The following NALF1 variants were observed in gnomAD, a reference collection of about 807,000 sequenced individuals.
NALF1 encodes the protein NALCN channel auxiliary factor 1, also known as family with sequence similarity 155 member A.
A neutral mutation model predicts 48.4 loss-of-function variants in NALF1; 3 were observed. That is an observed-to-expected ratio of 0.06 (90% CI 0.03 to 0.16). The LOEUF (loss-of-function observed/expected upper bound fraction) is 0.16, where lower values mean the gene tolerates loss of function less well. NALF1 is among the 10% of genes least tolerant of loss of function. The pLI, the probability that NALF1 is intolerant of heterozygous loss-of-function variation, is 1.00. For synonymous variants in NALF1, 262 were observed against 245.7 expected (o/e 1.07, Z -0.62); for missense variants, 526 against 571.5 (o/e 0.92, Z 0.81).
chr13:107,782,458 C>A (rs1171897363), intron 1 of NALF1, among the ~76,000 whole-genome samples: 1 of 152,138 alleles, frequency 6.6e-6, no homozygotes, highest in Non-Finnish European at 1.5e-5. Flanking sequence ...AGAGTGCAGC[C>A]TCTGCCCGGC....
intron 1 of NALF1, among the ~76,000 whole-genome samples, chr13:107,486,418 C>T (rs1415070453): frequency 6.6e-6 from 1 of 152,166 alleles, no homozygotes; most frequent in Non-Finnish European, 1.5e-5. Context: ...ACAGGGAAAG[C>T]AAGATCTGAA....
intron 1 of NALF1, among the ~76,000 whole-genome samples, chr13:107,528,281 T>C (rs144065081): frequency 3.9e-5 from 6 of 152,236 alleles, no homozygotes; most frequent in African/African-American, 1.2e-4. Context: ...AGAAACTTTG[T>C]CATAATAAAC....
intron 1 of NALF1, among the ~76,000 whole-genome samples, chr13:107,809,679 T>C (rs970735536): frequency 2.0e-5 from 3 of 152,070 alleles, no homozygotes; most frequent in African/African-American, 4.8e-5. Flanking sequence ...ATTTTTGCTA[T>C]AATTAACTGT....
At chr13:107,693,332 G>C (rs1366067726) in intron 1 of NALF1, among the ~76,000 whole-genome samples, 3 of 105,974 alleles carry the variant, frequency 2.8e-5, no homozygotes, top group African/African-American at 9.9e-5. Context: ...GTAGGGTAGG[G>C]GGGGCGGGAG....
At chr13:107,186,648 G>A (rs987854264) in intron 2 of NALF1, among the ~76,000 whole-genome samples, 1 of 152,172 alleles carries the variant, frequency 6.6e-6, no homozygotes, top group African/African-American at 2.4e-5. Context: ...TTATAGGTGT[G>A]AGCCACCATG....
In NALF1 at chr13:107,520,942, C is replaced by T. The variant is rs2794404; in HGVS notation, c.916-310187G>A. On this transcript the variant is annotated intron_variant, in intron 1 of 2. Coordinates refer to ENST00000375915, the MANE Select transcript of NALF1 (RefSeq NM_001080396.3). ...CTCTCCAAATCTCCACGGGATAAGGCTAAGAAAGACGTACCCAGTGATCTA... is the reference window on the plus strand; with the variant it reads ...CTCTCCAAATCTCCACGGGATAAGGTTAAGAAAGACGTACCCAGTGATCTA... Among the ~76,000 whole-genome samples the T allele has an allele frequency of 6.7e-3, 1,023 of 152,222 alleles. 15 individuals carry two copies. Among genetic ancestry groups the T allele is most frequent in the African/African-American group, 0.023 (963 of 41,522 alleles).
At chr13:107,667,925 A>G (rs997668762) in intron 1 of NALF1, among the ~76,000 whole-genome samples, 1 of 152,138 alleles carries the variant, frequency 6.6e-6, no homozygotes, top group Non-Finnish European at 1.5e-5. Context: ...AAGTACACGA[A>G]CCACTTTCTT....
intron 1 of NALF1, among the ~76,000 whole-genome samples, chr13:107,289,451 G>C (rs1881571333): frequency 6.6e-6 from 1 of 151,990 alleles, no homozygotes. Flanking sequence ...AAATATTCCG[G>C]ATTTTTTTGG....
At chr13:107,302,857 C>T (rs1253044923) in intron 1 of NALF1, among the ~76,000 whole-genome samples, 1 of 151,938 alleles carries the variant, frequency 6.6e-6, no homozygotes, top group African/African-American at 2.4e-5. Flanking sequence ...CTCACACACA[C>T]ACACAGACAC....
rs11288200 is a variant in NALF1, at chr13:107,791,779, GCC to G, written c.915+73901_915+73902del. Among the ~76,000 whole-genome samples the G allele has an allele frequency of 6.4e-4, 96 of 149,868 alleles. 1 individual carries two copies. Among genetic ancestry groups the G allele is most frequent in the African/African-American group, 2.3e-3 (93 of 40,766 alleles). The stretch of plus-strand genomic sequence containing the variant: ...CAGCCTGGCCAACGTGGTGATCCCC[GCC>G]CCCCCCCGTCTCTACTAAAAATACA... On this transcript the variant is annotated intron_variant, in intron 1 of 2. Transcript: ENST00000375915.
chr13:107,477,351 A>C (rs1447104344), intron 1 of NALF1, among the ~76,000 whole-genome samples: 1 of 152,078 alleles, frequency 6.6e-6, no homozygotes, highest in Non-Finnish European at 1.5e-5. Context: ...TTATAGAACA[A>C]ATGTTTATTT....
chr13:107,553,560 A>G (rs926614672), intron 1 of NALF1, among the ~76,000 whole-genome samples: 1 of 152,222 alleles, frequency 6.6e-6, no homozygotes, highest in Non-Finnish European at 1.5e-5. Context: ...TTTATGATCT[A>G]AAGTGTATTT....
At chr13:107,250,058 T>C (rs999946082) in intron 1 of NALF1, among the ~76,000 whole-genome samples, 2 of 151,332 alleles carry the variant, frequency 1.3e-5, no homozygotes, top group Admixed American at 6.6e-5. Flanking sequence ...GTTGATTCTC[T>C]AAATCAACTG....
chr13:107,249,498 A>T (rs1340294249), intron 1 of NALF1, among the ~76,000 whole-genome samples: 1 of 152,104 alleles, frequency 6.6e-6, no homozygotes, highest in East Asian at 1.9e-4. Context: ...AACTTTATGA[A>T]GCCAAAAATA....
At chr13:107,662,300 T>C (rs548232789) in intron 1 of NALF1, among the ~76,000 whole-genome samples, 6 of 152,316 alleles carry the variant, frequency 3.9e-5, no homozygotes, top group African/African-American at 7.2e-5. Flanking sequence ...TCCTGGACCC[T>C]GGATTCAACT....
At chr13:107,489,609 C>A (rs557397393) in intron 1 of NALF1, among the ~76,000 whole-genome samples, 123 of 152,232 alleles carry the variant, frequency 8.1e-4, no homozygotes, top group African/African-American at 2.9e-3. Context: ...ACACCATGCA[C>A]AAAAATTAAC....
At chr13:107,742,533 G>A (rs896705858) in intron 1 of NALF1, among the ~76,000 whole-genome samples, 11 of 152,074 alleles carry the variant, frequency 7.2e-5, no homozygotes, top group Non-Finnish European at 1.0e-4. Flanking sequence ...CCTTCCTGCC[G>A]CCATGAGAAG....
intron 1 of NALF1, among the ~76,000 whole-genome samples, chr13:107,482,923 C>G (rs1475673790): frequency 6.6e-6 from 1 of 152,162 alleles, no homozygotes; most frequent in Non-Finnish European, 1.5e-5. Context: ...TGGCCTCAGC[C>G]CCATGTAACT....
chr13:107,596,675 G>T (rs1878761415), intron 1 of NALF1, among the ~76,000 whole-genome samples: 1 of 152,082 alleles, frequency 6.6e-6, no homozygotes, highest in Admixed American at 6.6e-5. Flanking sequence ...CCTGTTGAGG[G>T]GGGTGGGGGA....
Sources: allele counts gnomAD v4.1 joint callset (sites outside exome capture counted in the v4.1 genomes callset), GRCh38; gene constraint gnomAD v4.1.1; transcripts MANE v1.5; gene names NCBI Gene and HGNC (gene_info 2026-07-23, HGNC 2026-07-21).